The following KCNQ3 variants were observed in gnomAD, a reference collection of about 807,000 sequenced individuals.
KCNQ3 encodes the protein potassium voltage-gated channel subfamily KQT member 3.
In KCNQ3, 30 loss-of-function variants were observed where a neutral mutation model predicts 92.5. That is an observed-to-expected ratio of 0.32 (90% confidence interval 0.24 to 0.44). The LOEUF (loss-of-function observed/expected upper bound fraction) is 0.44, where lower values mean the gene tolerates loss of function less well. Among genes scored for constraint, KCNQ3 ranks in the 20% least tolerant of loss-of-function variants. The pLI is 1.00. For missense variants in KCNQ3, 913 were observed against 1,140.3 expected, an observed-to-expected ratio of 0.80 and a Z score of 2.87; for synonymous variants, 450 against 468.8, an observed-to-expected ratio of 0.96 and a Z score of 0.52.
chr8:132,399,981 A>T (rs895727385), intron 1 of KCNQ3, among the ~76,000 whole-genome samples: 2 of 152,198 alleles, frequency 1.3e-5, no homozygotes. Context: ...AATCCTGGAC[A>T]ACAACCTACC....
In KCNQ3 at chr8:132,232,744, C is replaced by T. The variant is rs568152265; in HGVS notation, c.387-46563G>A. ...CCTTTTCTCCTTTACTAATGAAGAC[C>T]GGTTTCATTAAAAAACAGCCCCAAA... On this transcript the variant is annotated intron_variant, in intron 1 of 14. Coordinates refer to ENST00000388996, the MANE Select transcript of KCNQ3 (RefSeq NM_004519.4). Among the ~76,000 whole-genome samples, 112 of 152,192 alleles carry T rather than the reference C, an allele frequency of 7.4e-4. 1 individual carries two copies. The highest frequency in any genetic ancestry group is 2.5e-3 in the African/African-American group (103 of 41,518).
At chr8:132,220,077 C>T (rs949726214) in intron 1 of KCNQ3, among the ~76,000 whole-genome samples, 8 of 152,094 alleles carry the variant, frequency 5.3e-5, no homozygotes, top group Non-Finnish European at 8.8e-5. Context: ...TTTTCATCTA[C>T]GTCTTCCCTA....
chr8:132,425,427 C>A (rs1821084174), intron 1 of KCNQ3, among the ~76,000 whole-genome samples: 2 of 152,152 alleles, frequency 1.3e-5, no homozygotes, highest in Admixed American at 1.3e-4. Context: ...ATACGATCTG[C>A]ATTGAGAGGA....
At chr8:132,402,939 AC>A (rs1274541196) in intron 1 of KCNQ3, among the ~76,000 whole-genome samples, 1 of 145,298 alleles carries the variant, frequency 6.9e-6, no homozygotes, top group African/African-American at 2.6e-5. Flanking sequence ...AATCGCTTGA[AC>A]CCAGGAGGCA....
chr8:132,279,854 G>A (rs1289318786), intron 1 of KCNQ3, among the ~76,000 whole-genome samples: 5 of 37,834 alleles, frequency 1.3e-4, no homozygotes, highest in South Asian at 1.8e-3. Context: ...GTATATATGC[G>A]TGTGTGTGTG....
chr8:132,322,309 T>C (rs998977739), intron 1 of KCNQ3, among the ~76,000 whole-genome samples: 1 of 152,044 alleles, frequency 6.6e-6, no homozygotes, highest in Non-Finnish European at 1.5e-5. Context: ...AGAGAGTCAT[T>C]TGGAAAGAAA....
At chr8:132,459,095 G>A (rs563775242) in intron 1 of KCNQ3, among the ~76,000 whole-genome samples, 203 of 152,250 alleles carry the variant, frequency 1.3e-3, no homozygotes, top group African/African-American at 4.6e-3. Context: ...CAGGTATTTT[G>A]TGGAATGTTC....
intron 10 of KCNQ3, 99 bp from the exon 11 acceptor site, chr8:132,140,277 C>T (rs1418860050): frequency 5.3e-6 from 4 of 756,992 alleles, no homozygotes; most frequent in Non-Finnish European, 9.1e-6. Context: ...CTGGATGTGT[C>T]AATCCCCAGA....
intron 2 of KCNQ3, among the ~76,000 whole-genome samples, chr8:132,185,082 T>C (rs1340646299): frequency 5.9e-5 from 9 of 152,174 alleles, no homozygotes; most frequent in African/African-American, 1.9e-4. Flanking sequence ...CCCTGAGGCA[T>C]TGCTGCTCCA....
intron 1 of KCNQ3, among the ~76,000 whole-genome samples, chr8:132,305,515 A>G (rs1240933009): frequency 6.6e-6 from 1 of 152,196 alleles, no homozygotes; most frequent in Non-Finnish European, 1.5e-5. Context: ...ATCATATTTA[A>G]TAAATCCAGC....
intron 1 of KCNQ3, among the ~76,000 whole-genome samples, chr8:132,262,635 T>C (rs1025398737): frequency 1.3e-4 from 2 of 15,310 alleles, no homozygotes; most frequent in Admixed American, 1.2e-3. Context: ...CTTACAGCAG[T>C]TTTTTTTTTT....
At chr8:132,409,721 T>A (rs1820597194) in intron 1 of KCNQ3, among the ~76,000 whole-genome samples, 1 of 152,202 alleles carries the variant, frequency 6.6e-6, no homozygotes, top group African/African-American at 2.4e-5. Context: ...AGCCCTGGGT[T>A]CTCCCTATTT....
At chr8:132,278,931 A>C (rs1816425198) in intron 1 of KCNQ3, among the ~76,000 whole-genome samples, 1 of 152,104 alleles carries the variant, frequency 6.6e-6, no homozygotes, top group Non-Finnish European at 1.5e-5. Context: ...AAAAGTGCAC[A>C]TCCGTCAGGG....
At chr8:132,309,576 G>A (rs999870774) in intron 1 of KCNQ3, among the ~76,000 whole-genome samples, 2 of 152,190 alleles carry the variant, frequency 1.3e-5, no homozygotes, top group Admixed American at 1.3e-4. Context: ...CCCAGAAAAT[G>A]AGGCACCTCC....
intron 9 of KCNQ3, among the ~76,000 whole-genome samples, chr8:132,155,223 A>C (rs1051143504): frequency 1.3e-5 from 2 of 152,150 alleles, no homozygotes; most frequent in African/African-American, 4.8e-5. Flanking sequence ...TATGAGTTAC[A>C]ATTCCCTGAG....
intron 1 of KCNQ3, among the ~76,000 whole-genome samples, chr8:132,463,537 G>T (rs1293324533): frequency 6.6e-6 from 1 of 152,148 alleles, no homozygotes; most frequent in Non-Finnish European, 1.5e-5. Flanking sequence ...TGTGTGGTTG[G>T]GTTTAGACCT....
chr8:132,164,874 A>C (rs551025439), intron 8 of KCNQ3, among the ~76,000 whole-genome samples: 1 of 147,990 alleles, frequency 6.8e-6, no homozygotes, highest in African/African-American at 2.5e-5. Context: ...CCAGCTGATG[A>C]CCTTGACTCC....
At chr8:132,424,047 T>G (rs912892548) in intron 1 of KCNQ3, among the ~76,000 whole-genome samples, 1 of 152,208 alleles carries the variant, frequency 6.6e-6, no homozygotes. Flanking sequence ...AATGAAAAGC[T>G]TGATACTCTT....
At chr8:132,399,285 G>C (rs1563895556) in intron 1 of KCNQ3, among the ~76,000 whole-genome samples, 1 of 152,170 alleles carries the variant, frequency 6.6e-6, no homozygotes, top group Non-Finnish European at 1.5e-5. Context: ...CTTTTGGGGA[G>C]TATTTTTTGC....
Sources: allele counts gnomAD v4.1 joint callset (sites outside exome capture counted in the v4.1 genomes callset), GRCh38; gene constraint gnomAD v4.1.1; transcripts MANE v1.5; gene names NCBI Gene and HGNC (gene_info 2026-07-23, HGNC 2026-07-21).